The following ATR variants were observed in gnomAD, a reference collection of about 807,000 sequenced individuals.
The protein encoded by ATR is serine/threonine-protein kinase ATR.
ATR carries 142 observed loss-of-function variants against 305.3 expected under a neutral mutation model. That is an observed-to-expected ratio of 0.47 (90% CI 0.41 to 0.53). The LOEUF (loss-of-function observed/expected upper bound fraction) is 0.53. ATR is among the 20% of genes least tolerant of loss of function. The probability of loss-of-function intolerance (pLI) is 0.00; values close to 1 mark genes in which losing one functional copy is unlikely to be tolerated. For missense variants in ATR, 2,135 were observed against 3,133.1 expected (o/e 0.68, Z 7.60); for synonymous variants, 1,050 against 1,068.1 (o/e 0.98, Z 0.33).
At chr3:142,455,503 T>C (rs1356150309) in intron 45 of ATR, among the ~76,000 whole-genome samples, 2 of 152,180 alleles carry the variant, frequency 1.3e-5, no homozygotes, top group African/African-American at 4.8e-5. Context: ...CTTTATGATT[T>C]CAAAATTTAC....
chr3:142,485,709 T>A (rs1382704953), intron 35 of ATR, among the ~76,000 whole-genome samples: 1 of 152,224 alleles, frequency 6.6e-6, no homozygotes, highest in East Asian at 1.9e-4. Flanking sequence ...CTAAAGAGTG[T>A]AGGACTTTAA....
chr3:142,517,000 T>C (rs879895575), intron 24 of ATR, among the ~76,000 whole-genome samples: 64 of 148,432 alleles, frequency 4.3e-4, no homozygotes, highest in Non-Finnish European at 8.2e-4. Context: ...TATATATATA[T>C]ATATATACAT....
In ATR at chr3:142,543,816, C is replaced by T. The variant is rs150930508; in HGVS notation, c.3358-1059G>A. Among the ~76,000 whole-genome samples the T allele has an allele frequency of 8.9e-3, 1,350 of 151,984 alleles. 21 individuals are homozygous for T. Among genetic ancestry groups the T allele is most frequent in the African/African-American group, 0.031 (1,276 of 41,460 alleles). On this transcript the variant is annotated intron_variant, in intron 16 of 46. Coordinates refer to ENST00000350721, the MANE Select transcript of ATR (RefSeq NM_001184.4). ...TCCTGAGTACCTGTGACTACAGGCACGCACCACCTCGCCCAGCTAATTTTT... is the reference window on the plus strand; with the variant it reads ...TCCTGAGTACCTGTGACTACAGGCATGCACCACCTCGCCCAGCTAATTTTT...
chr3:142,528,879 A>ATATATATATAT (rs1215767510), intron 21 of ATR, among the ~76,000 whole-genome samples: 4 of 30,486 alleles, frequency 1.3e-4, no homozygotes, highest in South Asian at 1.0e-3. Flanking sequence ...ATATATATAT[A>ATATATATATAT]TTTTTTTTTT....
intron 21 of ATR, among the ~76,000 whole-genome samples, chr3:142,528,879 ATTTTTTTT>A (rs1170239080): frequency 3.3e-5 from 1 of 30,488 alleles, no homozygotes; most frequent in African/African-American, 2.5e-4. Context: ...ATATATATAT[ATTTTTTTT>A]TTTTTTTTTT....
chr3:142,513,671 C>T, intron 25 of ATR, 33 bp from the exon 26 acceptor site: 1 of 1,606,332 alleles, frequency 6.2e-7, no homozygotes, highest in Non-Finnish European at 8.5e-7. Context: ...CAGTAACACA[C>T]TTTCACATAT....
intron 35 of ATR, among the ~76,000 whole-genome samples, chr3:142,487,705 A>G (rs2031028708): frequency 6.6e-6 from 1 of 152,146 alleles, no homozygotes; most frequent in African/African-American, 2.4e-5. Flanking sequence ...TGTATTGCAA[A>G]TATCTTCTAA....
chr3:142,502,401 T>C (rs949116660), intron 30 of ATR, among the ~76,000 whole-genome samples: 2 of 125,992 alleles, frequency 1.6e-5, no homozygotes, highest in Admixed American at 9.5e-5. Context: ...AAGAATAAAA[T>C]GGGAGCTAAA....
intron 34 of ATR, among the ~76,000 whole-genome samples, 191 bp from the exon 35 acceptor site, chr3:142,493,502 AT>A (rs1423903338): frequency 6.6e-6 from 1 of 152,186 alleles, no homozygotes; most frequent in Non-Finnish European, 1.5e-5. Flanking sequence ...TTACTAATTA[AT>A]TTTATAACTG....
chr3:142,478,173 T>C (rs968111284), intron 36 of ATR, among the ~76,000 whole-genome samples: 4 of 152,208 alleles, frequency 2.6e-5, no homozygotes, highest in African/African-American at 9.6e-5. Context: ...TTCTTTTAAT[T>C]GTGATGTTAG....
At chr3:142,526,679 T>C (rs1467718728) in intron 21 of ATR, among the ~76,000 whole-genome samples, 1 of 152,140 alleles carries the variant, frequency 6.6e-6, no homozygotes, top group Non-Finnish European at 1.5e-5. Flanking sequence ...AGCATGATTT[T>C]CTCTTTAGAT....
chr3:142,536,150 T>C lies in ATR; in HGVS notation c.3777A>G (p.Pro1259=). ...LHEIYFLPDH[P]ELKKIKAVLQ... ...GAACGGCTTTTATCTTTTTTAATTC[T>C]GGATGATCAGGTAAAAAATATATTT... is the stretch of plus-strand genomic sequence containing the variant. The change falls in exon 20 of 47, where the codon CCA becomes CCG. Residue 1259 remains proline, a synonymous_variant. Coordinates refer to ENST00000350721, the MANE Select transcript of ATR (RefSeq NM_001184.4). The C allele has an allele frequency of 1.3e-6, 2 of 1,593,386 alleles. No individual in the cohort carries two copies. The highest frequency in any genetic ancestry group is 1.7e-6 in the Non-Finnish European group (2 of 1,161,474).
intron 23 of ATR, 117 bp downstream of exon 23, chr3:142,522,611 T>C (rs1045957195): frequency 6.7e-6 from 6 of 892,180 alleles, no homozygotes; most frequent in Admixed American, 6.1e-5. Flanking sequence ...CATGAACTTG[T>C]ATAACTTTGA....
chr3:142,507,895 A>G, intron 28 of ATR, 36 bp downstream of exon 28: 1 of 1,531,612 alleles, frequency 6.5e-7, no homozygotes, highest in Non-Finnish European at 9.0e-7. Context: ...GGCCACATTA[A>G]TTTTCATTAT....
chr3:142,470,644 C>A (rs2071239817), intron 36 of ATR, among the ~76,000 whole-genome samples: 3 of 152,078 alleles, frequency 2.0e-5, no homozygotes, highest in Non-Finnish European at 4.4e-5. Context: ...ATCATGCTCT[C>A]CCCTTATTAA....
chr3:142,554,930 A>C (rs1374813416), intron 10 of ATR, among the ~76,000 whole-genome samples: 1 of 138,654 alleles, frequency 7.2e-6, no homozygotes, highest in African/African-American at 2.7e-5. Context: ...CCTGTCTCTT[A>C]AAAAAAAAAA....
rs1258448541 is a variant in ATR at position 142,497,200 on chromosome 3, T to C, written c.5559-8A>G. The C allele has an allele frequency of 1.1e-5, 18 of 1,613,090 alleles. No individual in the cohort carries two copies. Among genetic ancestry groups the C allele is most frequent in the Non-Finnish European group, 1.4e-5 (17 of 1,179,326 alleles). On this transcript the variant is annotated splice_region_variant and splice_polypyrimidine_tract_variant and intron_variant, in intron 32 of 46. Coordinates refer to ENST00000350721, the MANE Select transcript of ATR (RefSeq NM_001184.4). ...TCACATAACATGTGCAATCTGAAGA[T>C]AGATAGAGCCTATGTTAAAATGTTA...
At chr3:142,534,438 C>T (rs1023872866) in intron 21 of ATR, among the ~76,000 whole-genome samples, 5 of 152,116 alleles carry the variant, frequency 3.3e-5, no homozygotes, top group Non-Finnish European at 7.4e-5. Flanking sequence ...AAATATAACC[C>T]TTCCATTATA....
At chr3:142,549,396 C>T (rs1577677271) in intron 15 of ATR, 83 bp downstream of exon 15, 1 of 965,320 alleles carries the variant, frequency 1.0e-6, no homozygotes, top group Non-Finnish European at 1.5e-6. Context: ...AATTTACTCA[C>T]CCTCTTTCCT....
Sources: allele counts gnomAD v4.1 joint callset (sites outside exome capture counted in the v4.1 genomes callset), GRCh38; gene constraint gnomAD v4.1.1; transcripts MANE v1.5; gene names NCBI Gene and HGNC (gene_info 2026-07-23, HGNC 2026-07-21).